Variants in CDH18 observed in about 807,000 individuals in gnomAD.
The protein encoded by CDH18 is cadherin 18, also known as cadherin-18.
A neutral mutation model predicts 67.9 loss-of-function variants in CDH18; 31 were observed. That is an observed-to-expected ratio of 0.46 (90% confidence interval 0.34 to 0.62). The LOEUF (loss-of-function observed/expected upper bound fraction) is 0.62, where lower values mean the gene tolerates loss of function less well. CDH18 is among the 20% of genes least tolerant of loss of function. The pLI is 0.01. For missense variants in CDH18, 890 were observed against 975.5 expected (o/e 0.91, Z 1.17); for synonymous variants, 362 against 347.2 (o/e 1.04, Z -0.48).
intron 1 of CDH18, among the ~76,000 whole-genome samples, chr5:20,263,758 T>C (rs1288396958): frequency 6.6e-6 from 1 of 152,178 alleles, no homozygotes. Context: ...TACCAATTGT[T>C]GAGTTCAGGT....
intron 2 of CDH18, among the ~76,000 whole-genome samples, chr5:20,132,593 T>C (rs1262538780): frequency 1.3e-5 from 2 of 152,314 alleles, no homozygotes; most frequent in African/African-American, 2.4e-5. Context: ...GCATTTTATA[T>C]GATTCCATTC....
At chr5:20,453,900 C>T (rs745641335) in intron 1 of CDH18, among the ~76,000 whole-genome samples, 29 of 151,858 alleles carry the variant, frequency 1.9e-4, no homozygotes, top group Non-Finnish European at 3.2e-4. Flanking sequence ...AGAAAAAAGC[C>T]CTGTACATGA....
intron 11 of CDH18, among the ~76,000 whole-genome samples, chr5:19,494,677 G>A (rs2126694172): frequency 1.3e-5 from 2 of 152,220 alleles, no homozygotes; most frequent in South Asian, 4.2e-4. Flanking sequence ...CCCCTGCCAT[G>A]TCCTCTGATC....
intron 2 of CDH18, among the ~76,000 whole-genome samples, chr5:19,939,929 G>A (rs937470200): frequency 2.0e-5 from 3 of 151,736 alleles, no homozygotes; most frequent in Non-Finnish European, 4.4e-5. Flanking sequence ...TCCAAAATTT[G>A]GGAATTCTTT....
chr5:20,175,589 T>G (rs770734871), intron 2 of CDH18, among the ~76,000 whole-genome samples: 13 of 152,132 alleles, frequency 8.5e-5, no homozygotes, highest in Non-Finnish European at 1.9e-4. Flanking sequence ...CGAGCTGCTT[T>G]GGCATCCCTG....
intron 1 of CDH18, among the ~76,000 whole-genome samples, chr5:20,308,469 G>C (rs1330142763): frequency 6.6e-6 from 1 of 151,892 alleles, no homozygotes; most frequent in African/African-American, 2.4e-5. Flanking sequence ...CTTGAACCCG[G>C]GAGGGGGAGG....
intron 2 of CDH18, among the ~76,000 whole-genome samples, chr5:20,080,588 C>CAT (rs1561774266): frequency 1.7e-4 from 26 of 151,908 alleles, no homozygotes; most frequent in Non-Finnish European, 3.8e-4. Context: ...AGCAGAATTG[C>CAT]CTGAAATGAT....
chr5:19,485,865 A>G (rs945575108), intron 11 of CDH18, among the ~76,000 whole-genome samples: 1 of 152,196 alleles, frequency 6.6e-6, no homozygotes, highest in Non-Finnish European at 1.5e-5. Context: ...AAATGACAGA[A>G]CATGCAGTGT....
intron 8 of CDH18, among the ~76,000 whole-genome samples, chr5:19,563,614 C>A (rs1739838212): frequency 6.6e-6 from 1 of 152,100 alleles, no homozygotes; most frequent in African/African-American, 2.4e-5. Flanking sequence ...GGTAAACAGC[C>A]AGGCTCTAAT....
intron 1 of CDH18, among the ~76,000 whole-genome samples, chr5:20,400,758 T>C (rs896245830): frequency 6.6e-6 from 1 of 152,072 alleles, no homozygotes; most frequent in Non-Finnish European, 1.5e-5. Context: ...TACAAACCTA[T>C]GTTTTCATCA....
At chr5:19,900,838 G>A (rs1315121798) in intron 2 of CDH18, among the ~76,000 whole-genome samples, 8 of 152,022 alleles carry the variant, frequency 5.3e-5, no homozygotes, top group Non-Finnish European at 1.0e-4. Context: ...TGTTTTCAGT[G>A]GAAATCTGCC....
chr5:20,529,976 C>T (rs62352730), intron 1 of CDH18, among the ~76,000 whole-genome samples: 3,229 of 151,972 alleles, frequency 0.021, 67 homozygotes, highest in African/African-American at 0.044. Context: ...ACATGATCCT[C>T]TATCTAGAAA....
chr5:20,163,300 C>T (rs1736039194), intron 2 of CDH18, among the ~76,000 whole-genome samples: 1 of 151,836 alleles, frequency 6.6e-6, no homozygotes. Context: ...TAGTATTATC[C>T]AATATTATGC....
At chr5:20,142,455 C>A (rs889639534) in intron 2 of CDH18, among the ~76,000 whole-genome samples, 1 of 151,768 alleles carries the variant, frequency 6.6e-6, no homozygotes, top group African/African-American at 2.4e-5. Flanking sequence ...TGGCAAGCAC[C>A]CGTAGTCTCA....
intron 1 of CDH18, among the ~76,000 whole-genome samples, chr5:20,431,672 T>C (rs1302868942): frequency 6.6e-6 from 1 of 152,144 alleles, no homozygotes; most frequent in Non-Finnish European, 1.5e-5. Flanking sequence ...CTCTGGCCAG[T>C]CAGTTAATTT....
chr5:20,332,523 A>C (rs899465820), intron 1 of CDH18, among the ~76,000 whole-genome samples: 1 of 152,342 alleles, frequency 6.6e-6, no homozygotes, highest in Non-Finnish European at 1.5e-5. Flanking sequence ...GTGAAACAGT[A>C]AGACCTCACT....
chr5:20,406,466 T>C (rs113706560), intron 1 of CDH18, among the ~76,000 whole-genome samples: 3 of 151,644 alleles, frequency 2.0e-5, no homozygotes, highest in Non-Finnish European at 4.4e-5. Flanking sequence ...TTAGGAAATA[T>C]ACCTAATGTA....
chr5:19,950,536 TAAAG>T (rs1795691083), intron 2 of CDH18, among the ~76,000 whole-genome samples: 1 of 152,046 alleles, frequency 6.6e-6, no homozygotes, highest in Non-Finnish European at 1.5e-5. Flanking sequence ...TAAATTGAAA[TAAAG>T]AAAATATTTT....
intron 1 of CDH18, among the ~76,000 whole-genome samples, chr5:20,309,360 G>A (rs1025709162): frequency 4.6e-5 from 7 of 152,128 alleles, no homozygotes; most frequent in Non-Finnish European, 2.9e-5. Context: ...CTATGCCCTC[G>A]TCCCCGTGGC....
Sources: allele counts gnomAD v4.1 joint callset (sites outside exome capture counted in the v4.1 genomes callset), GRCh38; gene constraint gnomAD v4.1.1; transcripts MANE v1.5; gene names NCBI Gene and HGNC (gene_info 2026-07-23, HGNC 2026-07-21).